The following SLC3A1 variants were observed in gnomAD, a reference collection of about 807,000 sequenced individuals.
The protein encoded by SLC3A1 is amino acid transporter heavy chain SLC3A1.
A neutral mutation model predicts 60.3 loss-of-function variants in SLC3A1; 78 were observed. That is an observed-to-expected ratio of 1.29 (90% CI 1.08 to 1.56). SLC3A1 has a LOEUF of 1.56. Among genes scored for constraint, SLC3A1 ranks in the 40% most tolerant of loss-of-function variants. The probability of loss-of-function intolerance (pLI) is 0.00; values close to 1 mark genes in which losing one functional copy is unlikely to be tolerated. For synonymous variants in SLC3A1, 392 were observed against 307.9 expected (o/e 1.27, Z -2.86); for missense variants, 1,172 against 858.9 (o/e 1.36, Z -4.56).
In SLC3A1 at chr2:44,320,378, T is replaced by C; in HGVS notation, c.1797T>C (p.Phe599=). ...IDRIFIVVLN[F]GESTLLNLHN... is the part of the protein sequence containing the mutation. ...GAATCTTTATCGTGGTTCTGAATTT[T>C]GGAGAATCAACACTGTTAAATCTAC... Residue 599 remains phenylalanine, a synonymous_variant, in exon 10 of 10, where the codon TTT becomes TTC. Transcript: ENST00000260649. 1 of 1,614,144 alleles carries C rather than the reference T, an allele frequency of 6.2e-7. No homozygotes were observed.
chr2:44,293,206 G>T (rs548293188), intron 4 of SLC3A1, among the ~76,000 whole-genome samples: 1 of 152,240 alleles, frequency 6.6e-6, no homozygotes, highest in African/African-American at 2.4e-5. Context: ...ACATCCAAGT[G>T]TTCAGTGGAC....
chr2:44,299,446 A>G (rs1671947573), intron 4 of SLC3A1, among the ~76,000 whole-genome samples: 1 of 151,808 alleles, frequency 6.6e-6, no homozygotes, highest in Non-Finnish European at 1.5e-5. Flanking sequence ...GGTTGATTCT[A>G]TTTTTTTTCT....
At chr2:44,288,559 G>A (rs1671668816) in intron 4 of SLC3A1, among the ~76,000 whole-genome samples, 1 of 152,156 alleles carries the variant, frequency 6.6e-6, no homozygotes, top group Non-Finnish European at 1.5e-5. Context: ...GTGTTTATTT[G>A]AGAAACTGCC....
chr2:44,318,807 T>C (rs1038677757), intron 9 of SLC3A1: 8 of 152,156 alleles, frequency 5.3e-5, no homozygotes, highest in African/African-American at 1.9e-4. Context: ...TAGTTCAATA[T>C]GAAAAGCATT....
At chr2:44,321,540 G>A (rs1013678479), downstream of SLC3A1, 35 of 1,523,254 alleles carry the variant, frequency 2.3e-5, no homozygotes, top group African/African-American at 2.4e-4. Context: ...TTACCTAACC[G>A]TGAAGTCAGC....
chr2:44,276,058 C>T, intron 1 of SLC3A1, 93 bp downstream of exon 1: 1 of 1,111,202 alleles, frequency 9.0e-7, no homozygotes, highest in Non-Finnish European at 1.4e-6. Context: ...CTGGGTTGTT[C>T]AGTAAGCACA....
chr2:44,275,682 G>A lies in SLC3A1; in HGVS notation c.147G>A (p.Arg49=), dbSNP rs1175335933. The A allele has an allele frequency of 6.2e-7, 1 of 1,614,142 alleles. No homozygotes were observed. The highest frequency in any genetic ancestry group is 1.3e-5 in the African/African-American group (1 of 75,056). ...CAGACAACCTGAAGCACAGCACCAGGGGCATCCTTGGCTCCCAGGAGCCCG... is the reference window on the plus strand; with the variant it reads ...CAGACAACCTGAAGCACAGCACCAGAGGCATCCTTGGCTCCCAGGAGCCCG... ...SSTDNLKHST[R]GILGSQEPDF... Residue 49 remains arginine, a synonymous_variant, in exon 1 of 10, where the codon AGG becomes AGA. Transcript: ENST00000260649.
In SLC3A1 at chr2:44,275,643, T is replaced by A. The variant is rs894330007; in HGVS notation, c.108T>A (p.Asp36Glu). 4 of 1,614,034 alleles carry A rather than the reference T, an allele frequency of 2.5e-6. No individual in the cohort carries two copies. In the African/African-American group the frequency reaches 5.3e-5, roughly 22 times the overall value. ...HNEDILEQTP[D>E]PGSSTDNLKH... is the part of the protein sequence containing the mutation. The stretch of plus-strand genomic sequence containing the variant: ...AAGACATTCTGGAGCAGACCCCGGA[T>A]CCAGGAAGCTCAACAGACAACCTGA... The change falls in exon 1 of 10, where the codon GAT becomes GAA. Residue 36 changes from aspartate (D) to glutamate (E), a missense_variant. By Grantham distance (45) the Asp-to-Glu change is conservative. Transcript: ENST00000260649.
chr2:44,294,093 G>C (rs1671796806), intron 4 of SLC3A1, among the ~76,000 whole-genome samples: 1 of 152,154 alleles, frequency 6.6e-6, no homozygotes. Flanking sequence ...CTGCAGAAGA[G>C]ACAGAGAAGG....
intron 4 of SLC3A1, among the ~76,000 whole-genome samples, chr2:44,288,032 CT>C (rs1299425136): frequency 0.025 from 3,627 of 143,586 alleles, 111 homozygotes; most frequent in African/African-American, 0.075. Flanking sequence ...AATTTCTGAA[CT>C]TTTTTTTTTT....
intron 7 of SLC3A1, among the ~76,000 whole-genome samples, chr2:44,309,070 T>C (rs1298769597): frequency 6.6e-6 from 1 of 152,198 alleles, no homozygotes; most frequent in Non-Finnish European, 1.5e-5. Context: ...TTGCAAAATA[T>C]ACATAAAACA....
At chr2:44,317,994 A>C (rs1672573225) in intron 9 of SLC3A1, 1 of 341,708 alleles carries the variant, frequency 2.9e-6, no homozygotes, top group Non-Finnish European at 5.8e-6. Context: ...CTATAGCTAT[A>C]AACACAAAAA....
intron 7 of SLC3A1, among the ~76,000 whole-genome samples, chr2:44,304,813 A>T (rs1006508708): frequency 2.8e-4 from 24 of 85,864 alleles, no homozygotes; most frequent in Non-Finnish European, 4.0e-4. Flanking sequence ...CTTGAAAACA[A>T]TTTTTTTTTT....
intron 4 of SLC3A1, among the ~76,000 whole-genome samples, chr2:44,293,153 G>A (rs985215452): frequency 2.0e-5 from 3 of 152,158 alleles, no homozygotes; most frequent in African/African-American, 7.2e-5. Flanking sequence ...CAGGAAGAGA[G>A]AGGGAAATAT....
At chr2:44,277,038 C>T (rs1261481438) in intron 1 of SLC3A1, among the ~76,000 whole-genome samples, 3 of 151,468 alleles carry the variant, frequency 2.0e-5, no homozygotes, top group Admixed American at 2.0e-4. Context: ...TTCTTGAAAC[C>T]TGCAGCTTTC....
At chr2:44,289,937 A>C (rs911402343) in intron 4 of SLC3A1, among the ~76,000 whole-genome samples, 1 of 150,978 alleles carries the variant, frequency 6.6e-6, no homozygotes, top group African/African-American at 2.4e-5. Flanking sequence ...GGCCCAATTT[A>C]TTTATTTTTT....
At chr2:44,299,912 T>TAA in intron 4 of SLC3A1, 59 bp from the exon 5 acceptor site, 1 of 1,585,436 alleles carries the variant, frequency 6.3e-7, no homozygotes, top group Non-Finnish European at 8.7e-7. Flanking sequence ...AAACTTTGAT[T>TAA]AAACGTTGTG....
chr2:44,304,917 G>T (rs528441613), intron 7 of SLC3A1, among the ~76,000 whole-genome samples: 46 of 149,534 alleles, frequency 3.1e-4, no homozygotes, highest in Non-Finnish European at 5.0e-4. Flanking sequence ...GACCTCTGAG[G>T]CTCAAGCAAT....
downstream of SLC3A1, chr2:44,321,877 G>C (rs1558482256): frequency 4.3e-6 from 7 of 1,613,498 alleles, no homozygotes; most frequent in South Asian, 2.2e-5. Flanking sequence ...TGAATATCTA[G>C]AATAATATTA....
Sources: gnomAD v4.1 joint callset for allele counts (sites outside exome capture counted in the v4.1 genomes callset) on GRCh38, gnomAD v4.1.1 for gene constraint, MANE v1.5 for transcripts, NCBI Gene and HGNC (gene_info 2026-07-23, HGNC 2026-07-21) for gene names.